IFI16: variants seen among roughly 807,000 people sequenced by gnomAD.
The protein encoded by IFI16 is interferon gamma inducible protein 16.
IFI16 carries 49 observed loss-of-function variants against 68.4 expected under a neutral mutation model. The observed-to-expected ratio is 0.72, with a 90% CI of 0.57 to 0.91. IFI16 has a LOEUF of 0.91. IFI16 is among the 40% of genes least tolerant of loss of function. The probability of loss-of-function intolerance (pLI) is 0.00; values close to 1 mark genes in which losing one functional copy is unlikely to be tolerated. For missense variants in IFI16, 878 were observed against 942.9 expected (o/e 0.93, Z 0.90); for synonymous variants, 307 against 315.0 (o/e 0.97, Z 0.27).
At chr1:159,027,407 T>C (rs1231499306) in intron 6 of IFI16, among the ~76,000 whole-genome samples, 1 of 151,548 alleles carries the variant, frequency 6.6e-6, no homozygotes. Context: ...TATCTTGACA[T>C]GCTGTTGGAT....
chr1:159,009,094 A>G (rs1652387670), upstream of IFI16: 1 of 152,196 alleles, frequency 6.6e-6, no homozygotes, highest in Non-Finnish European at 1.5e-5. Flanking sequence ...GACTCCTCAC[A>G]CTACCGGAAG....
At chr1:159,041,925 A>G (rs1654672024) in intron 7 of IFI16, among the ~76,000 whole-genome samples, 1 of 152,160 alleles carries the variant, frequency 6.6e-6, no homozygotes, top group African/African-American at 2.4e-5. Flanking sequence ...TTCCTGGAAA[A>G]TTCTGATTTC....
At chr1:159,047,741 T>TA (rs1487324180) in intron 8 of IFI16, among the ~76,000 whole-genome samples, 1 of 146,888 alleles carries the variant, frequency 6.8e-6, no homozygotes, top group Admixed American at 6.9e-5. Flanking sequence ...TCCTTGCTCT[T>TA]ATACATCACA....
chr1:159,011,331 C>T (rs974881632), intron 1 of IFI16, among the ~76,000 whole-genome samples: 1 of 151,354 alleles, frequency 6.6e-6, no homozygotes, highest in Non-Finnish European at 1.5e-5. Flanking sequence ...TGCAGTGAGC[C>T]GAGACTGTGC....
At chr1:159,004,478 G>A (rs1267066001), upstream of IFI16, among the ~76,000 whole-genome samples, 1 of 152,158 alleles carries the variant, frequency 6.6e-6, no homozygotes, top group Non-Finnish European at 1.5e-5. Flanking sequence ...GCCGAGGTGG[G>A]TGGGTCACTT....
At chr1:159,035,183 T>C (rs960041824) in intron 7 of IFI16, among the ~76,000 whole-genome samples, 1 of 152,200 alleles carries the variant, frequency 6.6e-6, no homozygotes, top group Non-Finnish European at 1.5e-5. Flanking sequence ...TTTGTTTTCA[T>C]TGTTGTAATT....
intron 7 of IFI16, among the ~76,000 whole-genome samples, chr1:159,042,745 A>G (rs2518555): frequency 0.8 from 121,192 of 152,148 alleles, 49,234 homozygotes; most frequent in Admixed American, 0.9. Context: ...ATAAATGTAG[A>G]TTATAGATAC....
chr1:159,042,074 G>A (rs1028043577), intron 7 of IFI16, among the ~76,000 whole-genome samples: 4 of 152,130 alleles, frequency 2.6e-5, no homozygotes, highest in Non-Finnish European at 4.4e-5. Context: ...TCTCAGCCAG[G>A]ATCATATGTC....
intron 6 of IFI16, among the ~76,000 whole-genome samples, chr1:159,024,798 GAAA>G (rs372228916): frequency 1.3e-5 from 2 of 151,878 alleles, no homozygotes; most frequent in African/African-American, 2.4e-5. Context: ...AATAACAAAA[GAAA>G]AAAATATATA....
At chr1:159,007,922 G>A (rs856059), upstream of IFI16, among the ~76,000 whole-genome samples, 142,596 of 152,258 alleles carry the variant, frequency 0.94, 67,487 homozygotes, top group East Asian at 1. Context: ...CAATGCATAT[G>A]CCACAGTCTA....
intron 4 of IFI16, among the ~76,000 whole-genome samples, chr1:159,017,799 G>C (rs1241384201): frequency 6.6e-6 from 1 of 152,080 alleles, no homozygotes; most frequent in Non-Finnish European, 1.5e-5. Context: ...GTAGTGCCAG[G>C]GTTTCACCAT....
rs74122227 is a variant in IFI16, at chr1:159,032,620, A to G, written c.1258A>G (p.Thr420Ala). 7.9e-4 allele frequency: 1,278 copies of G among 1,612,770 alleles called. 14 individuals are homozygous for G. In the African/African-American group the frequency reaches 0.015, roughly 19 times the overall value. Residue 420 changes from threonine to alanine, a missense_variant, in exon 7 of 12, where the codon ACC becomes GCC. By Grantham distance (58) the Thr-to-Ala change is moderately conservative (BLOSUM62 0). Coordinates refer to ENST00000295809, the MANE Select transcript of IFI16 (RefSeq NM_001376587.1). The part of the protein sequence containing the change: ...QLPYPSEAST[T>A]FPESHLRTPQ... The stretch of plus-strand genomic sequence containing the variant: ...TCCATATCCTTCAGAGGCCAGCACA[A>G]CCTTCCCTGAGAGCCATCTTCGGAC...
chr1:159,054,606 G>A (rs1340212899), intron 11 of IFI16, among the ~76,000 whole-genome samples: 1 of 152,182 alleles, frequency 6.6e-6, no homozygotes, highest in Non-Finnish European at 1.5e-5. Context: ...GAGTAGGAGT[G>A]AATATCTCAT....
chr1:159,000,911 C>T (rs966344335), intron 1 of IFI16, among the ~76,000 whole-genome samples: 3 of 152,068 alleles, frequency 2.0e-5, no homozygotes, highest in Non-Finnish European at 4.4e-5. Flanking sequence ...GTGTGTAGCA[C>T]ATTGAAGACC....
chr1:159,037,708 A>T (rs1654408030), intron 7 of IFI16, among the ~76,000 whole-genome samples: 2 of 151,992 alleles, frequency 1.3e-5, no homozygotes, highest in Admixed American at 1.3e-4. Context: ...AAAGAAAATT[A>T]CTCAAGACAG....
intron 7 of IFI16, among the ~76,000 whole-genome samples, chr1:159,037,888 CAA>C (rs1355314607): frequency 6.6e-6 from 1 of 151,816 alleles, no homozygotes; most frequent in East Asian, 1.9e-4. Flanking sequence ...CATAAAATAA[CAA>C]TAAAAATATT....
At chr1:159,051,618 A>C in intron 9 of IFI16, 61 bp from the exon 10 acceptor site, 4 of 1,356,276 alleles carry the variant, frequency 2.9e-6, no homozygotes, top group South Asian at 1.3e-5. Context: ...GACTCTCACT[A>C]GAGAATGACC....
chr1:159,042,225 T>C (rs1654691369), intron 7 of IFI16, among the ~76,000 whole-genome samples: 1 of 152,208 alleles, frequency 6.6e-6, no homozygotes, highest in South Asian at 2.1e-4. Flanking sequence ...TCTCACAAAT[T>C]TTGTGTGTGA....
chr1:159,048,230 A>T (rs1557881542), intron 8 of IFI16, among the ~76,000 whole-genome samples: 1 of 151,270 alleles, frequency 6.6e-6, no homozygotes, highest in Non-Finnish European at 1.5e-5. Flanking sequence ...AGCAACAAAG[A>T]TTTATTTATT....
Sources: gnomAD v4.1 joint callset for allele counts (sites outside exome capture counted in the v4.1 genomes callset) on GRCh38, gnomAD v4.1.1 for gene constraint, MANE v1.5 for transcripts, NCBI Gene and HGNC (gene_info 2026-07-23, HGNC 2026-07-21) for gene names.